The following ACOX1 variants were observed in gnomAD, a reference collection of about 807,000 sequenced individuals.
ACOX1 encodes the protein acyl-CoA oxidase 1.
Under a neutral mutation model 75.5 loss-of-function variants are expected in ACOX1, and 41 were observed. The observed-to-expected ratio is 0.54, with a 90% CI of 0.42 to 0.70. The LOEUF (loss-of-function observed/expected upper bound fraction) is 0.70, where lower values mean the gene tolerates loss of function less well. ACOX1 is among the 30% of genes least tolerant of loss of function. The probability of loss-of-function intolerance (pLI) is 0.00; values close to 1 mark genes in which losing one functional copy is unlikely to be tolerated. For missense variants in ACOX1, 630 were observed against 837.5 expected, an observed-to-expected ratio of 0.75 and a Z score of 3.06; for synonymous variants, 303 against 298.8, an observed-to-expected ratio of 1.01 and a Z score of -0.15.
At position 75,949,758 on chromosome 17, in the gene ACOX1, G is replaced by C; in HGVS notation, c.1438C>G (p.Pro480Ala). The change falls in exon 10 of 14, where the codon CCC (proline) becomes GCC (alanine). Residue 480 changes from proline (P) to alanine (A), a missense_variant. By Grantham distance (27) the Pro-to-Ala change is conservative. Transcript: ENST00000293217. ...VWPTMVDINSPESLTEAYKLR... is the reference protein window; with the variant it reads ...VWPTMVDINSAESLTEAYKLR... The stretch of plus-strand genomic sequence containing the variant: ...TTATATGCTTCGGTTAGGCTTTCGG[G>C]GCTGTTGATATCCACCATGGTTGGC... 1 of 1,614,066 alleles carries C rather than the reference G, an allele frequency of 6.2e-7. No homozygotes were observed. Among genetic ancestry groups the C allele is most frequent in the Non-Finnish European group, 8.5e-7 (1 of 1,180,018 alleles).
At chr17:75,951,346 C>T in intron 8 of ACOX1, 69 bp downstream of exon 8, 3 of 1,585,372 alleles carry the variant, frequency 1.9e-6, no homozygotes, top group Middle Eastern at 2.0e-4. Context: ...TTAGTTATCT[C>T]TGGACCTCAT....
At chr17:75,952,123 T>C (rs1317910450) in intron 7 of ACOX1, among the ~76,000 whole-genome samples, 3 of 152,158 alleles carry the variant, frequency 2.0e-5, no homozygotes, top group Non-Finnish European at 4.4e-5. Flanking sequence ...AAACCAACGC[T>C]AGTCAACCTA....
Position 75,943,320 on chromosome 17 carries a change from G to A in ACOX1, c.*3428C>T, listed in dbSNP as rs2065690973. 6.6e-6 allele frequency: 1 copy of A among 151,998 alleles called. No individual in the cohort carries two copies. Among genetic ancestry groups the A allele is most frequent in the Admixed American group, 6.6e-5 (1 of 15,234 alleles). 9.4% of individuals were successfully genotyped at this position (151,998 alleles called of 1,614,324 possible). A position where few individuals can be genotyped will look rare whatever the true frequency, so the allele number is the denominator to read the frequency against. On this transcript the variant is annotated 3_prime_UTR_variant, in exon 14 of 14. Transcript: ENST00000293217. ...GAGGTGGGAGGGTCACCTGAGGCTA[G>A]GAGTTCATGACGGGCCCAAGGCAAC...
chr17:75,956,918 T>TCC (rs1567877670), intron 4 of ACOX1, among the ~76,000 whole-genome samples: 8 of 40,654 alleles, frequency 2.0e-4, no homozygotes, highest in Admixed American at 3.7e-4. Flanking sequence ...TTCCTCTCTC[T>TCC]CTCTCTCTCT....
rs2065711579 is a variant in ACOX1, at chr17:75,945,497, C to T, written c.*1251G>A. Reference sequence around the variant, plus strand: ...TGTTTCCATGGAATTAAGCCATATTCTCAGGACTGATTCTAGAACAGCTGG... The same window carrying T: ...TGTTTCCATGGAATTAAGCCATATTTTCAGGACTGATTCTAGAACAGCTGG... On this transcript the variant is annotated 3_prime_UTR_variant, in exon 14 of 14. Coordinates refer to ENST00000293217, the MANE Select transcript of ACOX1 (RefSeq NM_004035.7). The T allele has an allele frequency of 6.6e-6, 1 of 152,540 alleles. No individual in the cohort carries two copies. Among genetic ancestry groups the T allele is most frequent in the South Asian group, 2.1e-4 (1 of 4,824 alleles). The allele number at this position is 152,540 out of a possible 1,614,324, so 9.4% of individuals were successfully genotyped here.
At chr17:75,956,093 C>A in intron 4 of ACOX1, 146 bp from the exon 5 acceptor site, 1 of 1,027,044 alleles carries the variant, frequency 9.7e-7, no homozygotes, top group East Asian at 2.5e-5. Context: ...GACAGCATCA[C>A]ACCTAGCTTT....
chr17:75,949,970 T>C, intron 9 of ACOX1, 73 bp from the exon 10 acceptor site: 1 of 1,549,068 alleles, frequency 6.5e-7, no homozygotes, highest in Non-Finnish European at 8.8e-7. Context: ...AGTTTCATTC[T>C]TGTTGCCTAG....
intron 7 of ACOX1, 140 bp from the exon 8 acceptor site, chr17:75,951,717 A>G: frequency 1.2e-6 from 1 of 801,920 alleles, no homozygotes; most frequent in Non-Finnish European, 2.0e-6. Context: ...TACTATTACT[A>G]TCTCCATTTT....
Position 75,948,773 on chromosome 17 carries a change from C to T in ACOX1, c.1729-316G>A, listed in dbSNP as rs574317268. Among the ~76,000 whole-genome samples the T allele has an allele frequency of 4.6e-5, 7 of 151,732 alleles. No homozygotes were observed. In the East Asian group the frequency reaches 5.8e-4, roughly 13 times the overall value. On this transcript the variant is annotated intron_variant, in intron 12 of 13. Coordinates refer to ENST00000293217, the MANE Select transcript of ACOX1 (RefSeq NM_004035.7). ...TTCTCCATGTTGGTCAGGCTGGTCT[C>T]GAACTCCCGACCTCAGGTGATCTGC...
chr17:75,947,915 C>G (rs538133500), intron 13 of ACOX1, among the ~76,000 whole-genome samples: 1 of 151,906 alleles, frequency 6.6e-6, no homozygotes, highest in African/African-American at 2.4e-5. Context: ...GATTGGGTTT[C>G]GCCATTTTAG....
At chr17:75,963,126 C>T (rs534726211) in intron 2 of ACOX1, among the ~76,000 whole-genome samples, 13 of 151,682 alleles carry the variant, frequency 8.6e-5, no homozygotes, top group Admixed American at 2.6e-4. Context: ...GACTCTGTCT[C>T]GAAAAACAAA....
chr17:75,975,142 A>G (rs922540944), intron 2 of ACOX1, among the ~76,000 whole-genome samples: 3 of 151,166 alleles, frequency 2.0e-5, no homozygotes, highest in African/African-American at 7.3e-5. Context: ...TAAGTACTAC[A>G]CGGTTATCCC....
rs1008291754 is a variant in ACOX1 at position 75,946,789 on chromosome 17, C to T, written c.1942G>A (p.Glu648Lys). The change falls in exon 14 of 14, where the codon GAA becomes AAA. Residue 648 changes from glutamate (E) to lysine (K), a missense_variant. Glu to Lys is a moderately conservative substitution (Grantham distance 56). Around this residue, in one of 2 missense-constraint regions of ACOX1, gnomAD observed 240 missense variants for 262.7 expected, o/e 0.91. Transcript: ENST00000293217. ...AGTGACTTCAGGTGCTTGTAAGATT[C>T]GTGGACCTGTGGGGAAAGGAGAGAG... is the stretch of plus-strand genomic sequence containing the variant. ...NSPLNKAEVH[E>K]SYKHLKSLQS... 23 of 1,613,600 alleles carry T rather than the reference C, an allele frequency of 1.4e-5. No homozygotes were observed. The highest frequency in any genetic ancestry group is 2.7e-5 in the African/African-American group (2 of 74,904).
chr17:75,957,221 C>A (rs970308404), intron 4 of ACOX1, among the ~76,000 whole-genome samples: 5 of 151,664 alleles, frequency 3.3e-5, no homozygotes, highest in Non-Finnish European at 5.9e-5. Flanking sequence ...GCTGGGACTA[C>A]AGGTGTGCGC....
chr17:75,952,647 T>C (rs2065785434), intron 7 of ACOX1, among the ~76,000 whole-genome samples: 1 of 151,760 alleles, frequency 6.6e-6, no homozygotes. Flanking sequence ...CTGGCCAACA[T>C]GGCGAAATTC....
chr17:75,968,878 C>A (rs1320277893), intron 2 of ACOX1, among the ~76,000 whole-genome samples: 1 of 147,518 alleles, frequency 6.8e-6, no homozygotes, highest in Non-Finnish European at 1.5e-5. Flanking sequence ...GCCGAGATCA[C>A]GCCACTGCAC....
chr17:75,974,016 C>T (rs1232735648), intron 2 of ACOX1, among the ~76,000 whole-genome samples: 1 of 152,298 alleles, frequency 6.6e-6, no homozygotes, highest in East Asian at 1.9e-4. Context: ...CAGTTCATTT[C>T]GTATTTACAT....
intron 2 of ACOX1, among the ~76,000 whole-genome samples, chr17:75,969,824 G>C (rs759555711): frequency 2.0e-5 from 3 of 152,078 alleles, no homozygotes; most frequent in Non-Finnish European, 1.5e-5. Flanking sequence ...TGTGACCCCA[G>C]TCCATGGGTG....
intron 13 of ACOX1, among the ~76,000 whole-genome samples, chr17:75,947,404 C>A (rs1380578975): frequency 9.2e-5 from 14 of 152,044 alleles, no homozygotes; most frequent in Non-Finnish European, 1.5e-5. Flanking sequence ...TGCGCCACCA[C>A]GCCTGGCTAA....
Sources: gnomAD v4.1 joint callset for allele counts (sites outside exome capture counted in the v4.1 genomes callset) on GRCh38, gnomAD v4.1.1 for gene constraint, gnomAD v4.1.1 regional missense constraint, MANE v1.5 for transcripts, NCBI Gene and HGNC (gene_info 2026-07-23, HGNC 2026-07-21) for gene names.